The following RBFOX3 variants were observed in gnomAD, a reference collection of about 807,000 sequenced individuals.
RBFOX3 encodes the protein RNA binding fox-1 homolog 3.
In RBFOX3, 17 loss-of-function variants were observed where a neutral mutation model predicts 48.7. The observed-to-expected ratio is 0.35, with a 90% CI of 0.24 to 0.52. The LOEUF (loss-of-function observed/expected upper bound fraction) is 0.52, where lower values mean the gene tolerates loss of function less well. Among genes scored for constraint, RBFOX3 ranks in the 20% least tolerant of loss-of-function variants. RBFOX3 has a pLI of 0.94. For synonymous variants in RBFOX3, 212 were observed against 209.5 expected, an observed-to-expected ratio of 1.01 and a Z score of -0.10; for missense variants, 382 against 497.5, an observed-to-expected ratio of 0.77 and a Z score of 2.21.
chr17:79,318,172 A>G (rs2077807745), intron 2 of RBFOX3, among the ~76,000 whole-genome samples: 1 of 152,158 alleles, frequency 6.6e-6, no homozygotes, highest in Non-Finnish European at 1.5e-5. Flanking sequence ...GATTCCTATC[A>G]TGAGTGGAAC....
At chr17:79,349,995 G>A (rs1032939567) in intron 2 of RBFOX3, among the ~76,000 whole-genome samples, 4 of 152,262 alleles carry the variant, frequency 2.6e-5, no homozygotes, top group Non-Finnish European at 5.9e-5. Flanking sequence ...AGTCCACATC[G>A]TCCATGCCAC....
intron 1 of RBFOX3, among the ~76,000 whole-genome samples, chr17:79,606,848 C>T (rs997964239): frequency 2.0e-5 from 3 of 152,146 alleles, no homozygotes; most frequent in African/African-American, 7.2e-5. Context: ...GGCAATCACA[C>T]ACTAAGCATC....
At chr17:79,343,691 G>A (rs535088514) in intron 2 of RBFOX3, among the ~76,000 whole-genome samples, 10 of 152,284 alleles carry the variant, frequency 6.6e-5, no homozygotes, top group Admixed American at 3.3e-4. Flanking sequence ...TAGTAACAGA[G>A]GCTACCATTT....
the RBFOX3 span, among the ~76,000 whole-genome samples, chr17:79,635,399 C>G: frequency 6.6e-6 from 1 of 152,266 alleles, no homozygotes; most frequent in East Asian, 1.9e-4. Flanking sequence ...GAGCCCTGTC[C>G]TGTTACATAG....
the RBFOX3 span, among the ~76,000 whole-genome samples, chr17:79,631,167 C>T: frequency 2.0e-5 from 3 of 152,134 alleles, no homozygotes; most frequent in Non-Finnish European, 4.4e-5. Flanking sequence ...CGCATCAGGA[C>T]GTTGAAACCT....
At chr17:79,664,784 C>T in the RBFOX3 span, among the ~76,000 whole-genome samples, 6 of 152,200 alleles carry the variant, frequency 3.9e-5, no homozygotes, top group Middle Eastern at 6.3e-3. Flanking sequence ...TTACTCCCTC[C>T]TCCCCCCGGT....
At chr17:79,621,758 C>T in the RBFOX3 span, among the ~76,000 whole-genome samples, 1 of 152,224 alleles carries the variant, frequency 6.6e-6, no homozygotes, top group Non-Finnish European at 1.5e-5. Flanking sequence ...CTATGGGAAG[C>T]TTGCTGCTAG....
At chr17:79,138,844 CA>C (rs1599622873) in intron 4 of RBFOX3, among the ~76,000 whole-genome samples, 39 of 131,566 alleles carry the variant, frequency 3.0e-4, no homozygotes, top group African/African-American at 4.8e-4. Flanking sequence ...CACATGCACA[CA>C]GCACATGCAT....
intron 1 of RBFOX3, among the ~76,000 whole-genome samples, chr17:79,494,600 C>G (rs2081173942): frequency 6.6e-6 from 1 of 152,214 alleles, no homozygotes; most frequent in Non-Finnish European, 1.5e-5. Context: ...GGGGAATGAG[C>G]AGCTTTCTGA....
At position 79,103,258 on chromosome 17, in the gene RBFOX3, T is replaced by C. The variant is rs878854169; in HGVS notation, c.415-4A>G. 2.6e-6 allele frequency: 4 copies of C among 1,547,586 alleles called. No individual in the cohort carries two copies. Among genetic ancestry groups the C allele is most frequent in the Non-Finnish European group, 3.5e-6 (4 of 1,145,012 alleles). On this transcript the variant is annotated splice_region_variant and splice_polypyrimidine_tract_variant and intron_variant, in intron 7 of 14. Coordinates refer to ENST00000693108, the MANE Select transcript of RBFOX3 (RefSeq NM_001350451.2). The surrounding 1 kb of genome is among the most constrained non-coding windows in gnomAD (Gnocchi z 6.1). ...CAAAAGTTACAAACCCAAAACCCTG[T>C]GAGCAGAGGAGAGGGAAGGACAGGC...
rs1046782155 is a variant in RBFOX3, at chr17:79,343,298, G to T, written c.-174-35474C>A. Among the ~76,000 whole-genome samples, 8 of 152,268 alleles carry T rather than the reference G, an allele frequency of 5.3e-5. No individual in the cohort carries two copies. The South Asian group carries it at 6.2e-4, about 12-fold the overall frequency. On this transcript the variant is annotated intron_variant, in intron 2 of 14. Transcript: ENST00000693108. ...CCCAGCACTTTGGGAGGCCTAGGAG[G>T]GTGGATCACCTGAGGTCAGGAGTTT...
intron 12 of RBFOX3, 41 bp downstream of exon 12, chr17:79,096,612 A>G: frequency 6.6e-7 from 1 of 1,505,238 alleles, no homozygotes; most frequent in Non-Finnish European, 9.0e-7. Context: ...GACCCACAGA[A>G]CGCCTGATCC....
At chr17:79,567,272 C>T (rs1298581293) in intron 1 of RBFOX3, among the ~76,000 whole-genome samples, 1 of 148,818 alleles carries the variant, frequency 6.7e-6, no homozygotes, top group Non-Finnish European at 1.5e-5. Flanking sequence ...CAACCTCCAG[C>T]TCCCAGGTTC....
At chr17:79,537,125 A>C (rs1555788917) in intron 1 of RBFOX3, among the ~76,000 whole-genome samples, 1 of 152,002 alleles carries the variant, frequency 6.6e-6, no homozygotes, top group East Asian at 1.9e-4. Context: ...AACAAAAAAA[A>C]AAAAAACCAA....
At chr17:79,121,820 C>T in intron 4 of RBFOX3, among the ~76,000 whole-genome samples, 1 of 152,104 alleles carries the variant, frequency 6.6e-6, no homozygotes, top group East Asian at 1.9e-4. Flanking sequence ...TGCTGACTTT[C>T]TGAAGGTTTT....
intron 4 of RBFOX3, among the ~76,000 whole-genome samples, chr17:79,123,145 T>C (rs1004946063): frequency 6.6e-6 from 1 of 152,114 alleles, no homozygotes; most frequent in African/African-American, 2.4e-5. Flanking sequence ...TACTATTTGA[T>C]GGTATAACAG....
chr17:79,515,447 C>T (rs2085115904), intron 1 of RBFOX3, among the ~76,000 whole-genome samples: 1 of 152,208 alleles, frequency 6.6e-6, no homozygotes, highest in Admixed American at 6.5e-5. Flanking sequence ...ACACTGATCC[C>T]CTTCCCTGAG....
chr17:79,419,012 G>A (rs12945787), intron 2 of RBFOX3, among the ~76,000 whole-genome samples: 29,583 of 152,142 alleles, frequency 0.19, 3,389 homozygotes, highest in Middle Eastern at 0.29. Flanking sequence ...TCAAGGGACC[G>A]TATCGTCCAA....
intron 3 of RBFOX3, among the ~76,000 whole-genome samples, chr17:79,284,698 TC>T (rs1246646417): frequency 6.6e-6 from 1 of 152,064 alleles, no homozygotes; most frequent in Non-Finnish European, 1.5e-5. Context: ...CATCACCACG[TC>T]CGGGTAATTT....
Sources: gnomAD v4.1 joint callset for allele counts (sites outside exome capture counted in the v4.1 genomes callset) on GRCh38, gnomAD v4.1.1 for gene constraint, Gnocchi (gnomAD v3.1) non-coding constraint, MANE v1.5 for transcripts, NCBI Gene and HGNC (gene_info 2026-07-23, HGNC 2026-07-21) for gene names.